RNF220: variants seen among roughly 807,000 people sequenced by gnomAD.
RNF220 encodes the protein E3 ubiquitin-protein ligase RNF220.
A neutral mutation model predicts 67.1 loss-of-function variants in RNF220; 7 were observed. The observed-to-expected ratio is 0.10, with a 90% confidence interval of 0.06 to 0.20. The LOEUF (loss-of-function observed/expected upper bound fraction) is 0.20, where lower values mean the gene tolerates loss of function less well. Among genes scored for constraint, RNF220 ranks in the 10% least tolerant of loss-of-function variants. RNF220 has a pLI of 1.00. For synonymous variants in RNF220, 270 were observed against 283.2 expected (o/e 0.95, Z 0.47); for missense variants, 565 against 740.3 (o/e 0.76, Z 2.75).
At chr1:44,408,354 C>T (rs1357693043) in intron 1 of RNF220, among the ~76,000 whole-genome samples, 2 of 152,218 alleles carry the variant, frequency 1.3e-5, no homozygotes, top group African/African-American at 2.4e-5. Context: ...ATGCCTGAAA[C>T]ACAGGCGTCG....
intron 2 of RNF220, among the ~76,000 whole-genome samples, chr1:44,546,195 G>A (rs1456837309): frequency 6.6e-6 from 1 of 152,164 alleles, no homozygotes; most frequent in Non-Finnish European, 1.5e-5. Context: ...AAGCTGGCGA[G>A]CTCACTCTCG....
chr1:44,504,396 G>A (rs982038049), intron 2 of RNF220, among the ~76,000 whole-genome samples: 3 of 152,184 alleles, frequency 2.0e-5, no homozygotes, highest in Non-Finnish European at 2.9e-5. Context: ...TAAGGACCCC[G>A]TTATCTGGGA....
chr1:44,543,189 A>T (rs546022508), intron 2 of RNF220, among the ~76,000 whole-genome samples: 5 of 151,994 alleles, frequency 3.3e-5, no homozygotes, highest in Non-Finnish European at 7.4e-5. Context: ...CTTTGTGCAG[A>T]GACCTCCCCG....
intron 2 of RNF220, among the ~76,000 whole-genome samples, chr1:44,533,258 A>G (rs1572796344): frequency 6.6e-6 from 1 of 152,188 alleles, no homozygotes; most frequent in East Asian, 1.9e-4. Context: ...TGGGAGACCA[A>G]AGTGGGAGGG....
rs61147848 is a variant in RNF220 at position 44,474,378 on chromosome 1, AAATAATAATAATAATAAT to A, written c.625+61685_625+61702del. 4.7e-3 allele frequency among the ~76,000 whole-genome samples: 647 copies of A among 137,670 alleles called. 8 individuals are homozygous for A. The highest frequency in any genetic ancestry group is 0.014 in the African/African-American group (537 of 37,044). 90.3% of individuals were successfully genotyped at this position (137,670 alleles called of 152,430 possible). A position where few individuals can be genotyped will look rare whatever the true frequency, so the allele number is the denominator to read the frequency against. On this transcript the variant is annotated intron_variant, in intron 2 of 14. Coordinates refer to ENST00000361799, the MANE Select transcript of RNF220 (RefSeq NM_018150.4). Reference sequence around the variant, plus strand: ...TGACAGAGCGAGACTCTGTCTCCAAAAATAATAATAATAATAATAATAATAATAATAATAATAATAATA... The same window carrying A: ...TGACAGAGCGAGACTCTGTCTCCAAAAATAATAATAATAATAATAATAATA...
intron 2 of RNF220, among the ~76,000 whole-genome samples, chr1:44,536,134 G>A (rs751210268): frequency 1.3e-5 from 2 of 152,152 alleles, no homozygotes; most frequent in African/African-American, 4.8e-5. Context: ...ACCTTAGGAG[G>A]TGTGACTTGG....
intron 2 of RNF220, among the ~76,000 whole-genome samples, chr1:44,519,492 G>A (rs980053970): frequency 6.6e-6 from 1 of 152,220 alleles, no homozygotes; most frequent in African/African-American, 2.4e-5. Flanking sequence ...CTGAGGAATG[G>A]AGGAAGTAGG....
At chr1:44,511,351 G>T (rs1658977074) in intron 2 of RNF220, among the ~76,000 whole-genome samples, 1 of 152,126 alleles carries the variant, frequency 6.6e-6, no homozygotes, top group Non-Finnish European at 1.5e-5. Context: ...AAGGGTTAAA[G>T]GGAATAAATA....
chr1:44,406,262 C>G (rs373514784), intron 1 of RNF220, among the ~76,000 whole-genome samples: 4 of 152,160 alleles, frequency 2.6e-5, no homozygotes, highest in South Asian at 2.1e-4. Context: ...TGGATGGATC[C>G]TCTGCGGGCA....
intron 2 of RNF220, among the ~76,000 whole-genome samples, chr1:44,549,292 A>G (rs1461963316): frequency 3.3e-5 from 5 of 152,234 alleles, no homozygotes; most frequent in African/African-American, 1.2e-4. Context: ...CCCAGTCCCT[A>G]GCACAATGCC....
intron 2 of RNF220, among the ~76,000 whole-genome samples, chr1:44,524,226 C>T (rs1397113923): frequency 6.6e-6 from 1 of 152,160 alleles, no homozygotes; most frequent in African/African-American, 2.4e-5. Context: ...TGTGACAGCC[C>T]GGGCCCTCTC....
At chr1:44,579,815 G>A (rs1380605265) in intron 2 of RNF220, among the ~76,000 whole-genome samples, 3 of 151,982 alleles carry the variant, frequency 2.0e-5, no homozygotes, top group African/African-American at 7.3e-5. Context: ...GATTGCTTGA[G>A]TCCAGGAGTT....
intron 9 of RNF220, 88 bp from the exon 10 acceptor site, chr1:44,644,907 T>C: frequency 6.4e-7 from 1 of 1,555,748 alleles, no homozygotes; most frequent in South Asian, 1.1e-5. Flanking sequence ...GAGTCTCAGC[T>C]TTGGCCAGGA....
chr1:44,592,662 C>G (rs548709452), intron 2 of RNF220, among the ~76,000 whole-genome samples: 1 of 152,334 alleles, frequency 6.6e-6, no homozygotes, highest in African/African-American at 2.4e-5. Flanking sequence ...ACACGCTCCT[C>G]TCATTCATTT....
intron 2 of RNF220, among the ~76,000 whole-genome samples, chr1:44,458,581 T>C (rs1030526796): frequency 3.9e-5 from 6 of 152,232 alleles, no homozygotes; most frequent in Non-Finnish European, 8.8e-5. Flanking sequence ...TGTTTTCTAG[T>C]TGTCTTACCC....
At chr1:44,439,650 T>G (rs1285263768) in intron 2 of RNF220, among the ~76,000 whole-genome samples, 1 of 152,216 alleles carries the variant, frequency 6.6e-6, no homozygotes, top group African/African-American at 2.4e-5. Flanking sequence ...TTTTATCATT[T>G]TTTTTTCCCT....
intron 2 of RNF220, among the ~76,000 whole-genome samples, chr1:44,598,546 G>C (rs1431987230): frequency 6.6e-6 from 1 of 152,216 alleles, no homozygotes; most frequent in Non-Finnish European, 1.5e-5. Context: ...CTGAGTGAGA[G>C]AGAGAAAGCG....
chr1:44,635,312 A>G (rs1644292493), intron 6 of RNF220: 1 of 533,374 alleles, frequency 1.9e-6, no homozygotes, highest in South Asian at 3.1e-5. Context: ...AGCTGCAGCC[A>G]AAGAGTGGAC....
At chr1:44,551,549 G>T (rs867587904) in intron 2 of RNF220, among the ~76,000 whole-genome samples, 3 of 152,126 alleles carry the variant, frequency 2.0e-5, no homozygotes, top group Non-Finnish European at 4.4e-5. Flanking sequence ...CTGTTGATAC[G>T]TATTGATAGA....
Sources: allele counts gnomAD v4.1 joint callset (sites outside exome capture counted in the v4.1 genomes callset), GRCh38; gene constraint gnomAD v4.1.1; transcripts MANE v1.5; gene names NCBI Gene and HGNC (gene_info 2026-07-23, HGNC 2026-07-21).